The following NELL2 variants were observed in gnomAD, a reference collection of about 807,000 sequenced individuals.
The protein encoded by NELL2 is neural EGFL like 2.
NELL2 carries 41 observed loss-of-function variants against 109.6 expected under a neutral mutation model. That is an observed-to-expected ratio of 0.37 (90% confidence interval 0.29 to 0.49). The LOEUF (loss-of-function observed/expected upper bound fraction) is 0.49. NELL2 is among the 20% of genes least tolerant of loss of function. The probability of loss-of-function intolerance (pLI) is 0.98; values close to 1 mark genes in which losing one functional copy is unlikely to be tolerated. For missense variants in NELL2, 900 were observed against 1,008.3 expected, an observed-to-expected ratio of 0.89 and a Z score of 1.45; for synonymous variants, 355 against 344.7, an observed-to-expected ratio of 1.03 and a Z score of -0.33.
chr12:44,539,878 T>C (rs150806704), intron 15 of NELL2, among the ~76,000 whole-genome samples: 249 of 152,330 alleles, frequency 1.6e-3, no homozygotes, highest in African/African-American at 5.2e-3. Flanking sequence ...ATAGTCTGTT[T>C]ATAACAGCAA....
chr12:44,513,003 T>TA (rs34540682), intron 19 of NELL2, among the ~76,000 whole-genome samples: 2 of 151,950 alleles, frequency 1.3e-5, no homozygotes, highest in South Asian at 2.1e-4. Flanking sequence ...ATGCTTGAGG[T>TA]AAAAAATACC....
rs531102749 is a variant in NELL2 at position 44,682,736 on chromosome 12, C to T, written c.1319-17127G>A. Among the ~76,000 whole-genome samples, 402 of 152,006 alleles carry T rather than the reference C, an allele frequency of 2.6e-3. 3 individuals are homozygous for T. The highest frequency in any genetic ancestry group is 8.7e-3 in the African/African-American group (363 of 41,490). On this transcript the variant is annotated intron_variant, in intron 12 of 19. Coordinates refer to ENST00000429094, the MANE Select transcript of NELL2 (RefSeq NM_001145108.2). Reference sequence around the variant, plus strand: ...CAAAGATCAGATAGTTGCAGATATGCGGTGTTATTTCTGAGGGCTCTGTTC... The same window carrying T: ...CAAAGATCAGATAGTTGCAGATATGTGGTGTTATTTCTGAGGGCTCTGTTC...
At position 44,728,379 on chromosome 12, in the gene NELL2, T is replaced by C. The variant is rs551494495; in HGVS notation, c.995-13638A>G. ...CACTAGAGGAGTTCAACAGTAGATTTGATTAAGCAGAAGAATCAGCAAACT... is the reference window on the plus strand; with the variant it reads ...CACTAGAGGAGTTCAACAGTAGATTCGATTAAGCAGAAGAATCAGCAAACT... On this transcript the variant is annotated intron_variant, in intron 9 of 19. Transcript: ENST00000429094. 2.0e-5 allele frequency among the ~76,000 whole-genome samples: 3 copies of C among 152,216 alleles called. No homozygotes were observed. The South Asian group carries it at 6.2e-4, about 32-fold the overall frequency.
At chr12:44,597,520 C>T (rs1169443154) in intron 15 of NELL2, among the ~76,000 whole-genome samples, 1 of 152,166 alleles carries the variant, frequency 6.6e-6, no homozygotes, top group Non-Finnish European at 1.5e-5. Flanking sequence ...AAAGCTAGCA[C>T]ATTATACTTT....
At chr12:44,788,188 A>G (rs1473094641) in intron 3 of NELL2, among the ~76,000 whole-genome samples, 2 of 152,208 alleles carry the variant, frequency 1.3e-5, no homozygotes, top group Non-Finnish European at 2.9e-5. Context: ...ACTCGGATAG[A>G]CAGAGCAGTG....
chr12:44,751,767 CT>C (rs1291069255), intron 9 of NELL2, among the ~76,000 whole-genome samples: 1 of 152,024 alleles, frequency 6.6e-6, no homozygotes, highest in Non-Finnish European at 1.5e-5. Flanking sequence ...TTCATCAAAA[CT>C]TAAAATATGT....
chr12:44,638,806 C>T (rs1205938462), intron 13 of NELL2, among the ~76,000 whole-genome samples: 3 of 152,200 alleles, frequency 2.0e-5, no homozygotes, highest in African/African-American at 4.8e-5. Flanking sequence ...CAAATGGATG[C>T]TCATTCTCCA....
chr12:44,840,957 A>G (rs1438521444), intron 2 of NELL2, among the ~76,000 whole-genome samples: 1 of 152,242 alleles, frequency 6.6e-6, no homozygotes, highest in East Asian at 1.9e-4. Flanking sequence ...TTTGTAGAAC[A>G]CTGTGGCAGA....
chr12:44,590,507 T>C (rs1029578712), intron 15 of NELL2, among the ~76,000 whole-genome samples: 7 of 152,218 alleles, frequency 4.6e-5, no homozygotes, highest in Non-Finnish European at 7.3e-5. Context: ...AGTATACTTA[T>C]GAATTTTATA....
intron 1 of NELL2, among the ~76,000 whole-genome samples, chr12:44,920,386 AT>A (rs1566622864): frequency 6.6e-6 from 1 of 152,082 alleles, no homozygotes; most frequent in Non-Finnish European, 1.5e-5. Context: ...GTTCCTTGAA[AT>A]TTTTTACTAA....
At chr12:44,526,411 A>G (rs1175352215) in intron 16 of NELL2, among the ~76,000 whole-genome samples, 1 of 152,206 alleles carries the variant, frequency 6.6e-6, no homozygotes, top group Non-Finnish European at 1.5e-5. Flanking sequence ...TCACTTTATA[A>G]ATCAGGAAAT....
chr12:44,899,344 T>C (rs1334148884), intron 1 of NELL2, among the ~76,000 whole-genome samples: 2 of 151,724 alleles, frequency 1.3e-5, no homozygotes, highest in Non-Finnish European at 2.9e-5. Context: ...GAGGAAAAAA[T>C]GTTAAGAGCA....
chr12:44,821,184 G>A (rs1943531917), intron 2 of NELL2, among the ~76,000 whole-genome samples: 1 of 152,012 alleles, frequency 6.6e-6, no homozygotes, highest in Non-Finnish European at 1.5e-5. Flanking sequence ...TTCTCACAAA[G>A]CCCTGGAGAC....
intron 1 of NELL2, among the ~76,000 whole-genome samples, chr12:44,884,213 C>T (rs1328813042): frequency 2.0e-5 from 3 of 151,576 alleles, no homozygotes; most frequent in Non-Finnish European, 4.4e-5. Flanking sequence ...CTTTAGAGTA[C>T]AAAAAATTAT....
intron 15 of NELL2, among the ~76,000 whole-genome samples, chr12:44,573,504 A>G (rs1270714416): frequency 1.3e-5 from 2 of 152,290 alleles, no homozygotes; most frequent in East Asian, 3.9e-4. Flanking sequence ...TAATTTTTGA[A>G]AAGCAACAAA....
intron 15 of NELL2, among the ~76,000 whole-genome samples, chr12:44,595,800 A>G (rs1944940142): frequency 6.6e-6 from 1 of 152,000 alleles, no homozygotes; most frequent in South Asian, 2.1e-4. Flanking sequence ...ACTCTTATTC[A>G]GCCTTCTAAT....
chr12:44,509,018 T>A, intron 19 of NELL2, 34 bp from the exon 20 acceptor site: 5 of 1,579,416 alleles, frequency 3.2e-6, no homozygotes, highest in Non-Finnish European at 4.3e-6. Context: ...AAAAACAGTA[T>A]GAATTTTTAA....
intron 13 of NELL2, among the ~76,000 whole-genome samples, chr12:44,634,176 T>C (rs1056238807): frequency 1.3e-5 from 2 of 152,140 alleles, no homozygotes; most frequent in Non-Finnish European, 2.9e-5. Context: ...ATTCATTTCT[T>C]TTTTATAAAT....
At chr12:44,521,827 T>G in intron 18 of NELL2, 173 bp downstream of exon 18, 1 of 606,864 alleles carries the variant, frequency 1.6e-6, no homozygotes. Context: ...AGAATATTCC[T>G]TCTTGGGTTG....
Sources: gnomAD v4.1 joint callset for allele counts (sites outside exome capture counted in the v4.1 genomes callset) on GRCh38, gnomAD v4.1.1 for gene constraint, MANE v1.5 for transcripts, NCBI Gene and HGNC (gene_info 2026-07-23, HGNC 2026-07-21) for gene names.